ARHGAP28: variants seen among roughly 807,000 people sequenced by gnomAD.
The protein encoded by ARHGAP28 is Rho GTPase activating protein 28.
ARHGAP28 carries 56 observed loss-of-function variants against 90.7 expected under a neutral mutation model. That is an observed-to-expected ratio of 0.62 (90% CI 0.50 to 0.77). The LOEUF (loss-of-function observed/expected upper bound fraction) is 0.77, where lower values mean the gene tolerates loss of function less well. Among genes scored for constraint, ARHGAP28 ranks in the 30% least tolerant of loss-of-function variants. The probability of loss-of-function intolerance (pLI) is 0.00; values close to 1 mark genes in which losing one functional copy is unlikely to be tolerated. For synonymous variants in ARHGAP28, 308 were observed against 323.3 expected (o/e 0.95, Z 0.51); for missense variants, 869 against 900.9 (o/e 0.96, Z 0.45).
At chr18:6,816,721 C>T (rs887276339) in intron 1 of ARHGAP28, among the ~76,000 whole-genome samples, 5 of 152,212 alleles carry the variant, frequency 3.3e-5, no homozygotes, top group South Asian at 4.2e-4. Context: ...AGTTTAACTC[C>T]GTAATGTACT....
intron 1 of ARHGAP28, among the ~76,000 whole-genome samples, chr18:6,750,058 C>T (rs2056056522): frequency 6.6e-6 from 1 of 152,150 alleles, no homozygotes; most frequent in Non-Finnish European, 1.5e-5. Flanking sequence ...GCAACTTAAA[C>T]TCCCATGCCT....
At chr18:6,898,203 C>T (rs2057317765) in intron 16 of ARHGAP28, 1 of 318,160 alleles carries the variant, frequency 3.1e-6, no homozygotes, top group Non-Finnish European at 5.6e-6. Context: ...GCACCAAAAT[C>T]TCAGAAATTA....
At chr18:6,739,358 A>C (rs1470408012) in intron 1 of ARHGAP28, among the ~76,000 whole-genome samples, 5 of 152,166 alleles carry the variant, frequency 3.3e-5, no homozygotes, top group Admixed American at 3.3e-4. Flanking sequence ...TTTTAATGGA[A>C]TAAGCATAGA....
rs571248045 is a variant in ARHGAP28, at chr18:6,915,079, C to T, written c.*2925C>T. On this transcript the variant is annotated 3_prime_UTR_variant, in exon 18 of 18. Coordinates refer to ENST00000383472, the MANE Select transcript of ARHGAP28 (RefSeq NM_001366230.1). ...CTTTCAGTGTATGTTTAATAATATACATTTAATGATGAAAAATATTTTCAG... is the reference window on the plus strand; with the variant it reads ...CTTTCAGTGTATGTTTAATAATATATATTTAATGATGAAAAATATTTTCAG... 2 of 152,518 alleles carry T rather than the reference C, an allele frequency of 1.3e-5. No individual in the cohort carries two copies. Among genetic ancestry groups the T allele is most frequent in the Admixed American group, 6.5e-5 (1 of 15,296 alleles). 9.4% of individuals were successfully genotyped at this position (152,518 alleles called of 1,614,324 possible). A position where few individuals can be genotyped will look rare whatever the true frequency, so the allele number is the denominator to read the frequency against.
chr18:6,736,679 G>A (rs1480008037), intron 1 of ARHGAP28, among the ~76,000 whole-genome samples: 6 of 150,118 alleles, frequency 4.0e-5, no homozygotes, highest in Non-Finnish European at 7.4e-5. Flanking sequence ...CCCAGGAGGC[G>A]GAGGTTGTGG....
intron 6 of ARHGAP28, 90 bp downstream of exon 6, chr18:6,868,324 G>A (rs557365116): frequency 3.8e-5 from 44 of 1,166,640 alleles, no homozygotes; most frequent in Non-Finnish European, 5.3e-5. Context: ...TTCTAAAAGC[G>A]AAGTATAAGT....
chr18:6,841,203 C>CTCTCTCTCTCTCTCTCTCTCTCTCT (rs754874496), intron 3 of ARHGAP28, among the ~76,000 whole-genome samples: 1 of 41,976 alleles, frequency 2.4e-5, no homozygotes, highest in African/African-American at 1.2e-4. Flanking sequence ...CTCTCTCTCT[C>CTCTCTCTCTCTCTCTCTCTCTCTCT]CTCTCCTCTC....
chr18:6,827,170 GTCA>G (rs1277195863), intron 2 of ARHGAP28, among the ~76,000 whole-genome samples: 1 of 152,228 alleles, frequency 6.6e-6, no homozygotes, highest in Non-Finnish European at 1.5e-5. Context: ...AACCGCCATT[GTCA>G]TCATGGCCTG....
chr18:6,821,612 G>A (rs990716342), intron 1 of ARHGAP28, among the ~76,000 whole-genome samples: 2 of 152,292 alleles, frequency 1.3e-5, no homozygotes, highest in Middle Eastern at 3.4e-3. Flanking sequence ...AACCAAAAAT[G>A]TGAGAGCTCT....
intron 1 of ARHGAP28, among the ~76,000 whole-genome samples, chr18:6,793,839 T>C (rs2056422619): frequency 6.6e-6 from 1 of 152,040 alleles, no homozygotes; most frequent in Non-Finnish European, 1.5e-5. Context: ...CTACTCAGAC[T>C]CATTTATCAA....
intron 1 of ARHGAP28, among the ~76,000 whole-genome samples, chr18:6,822,338 A>T (rs1420222744): frequency 6.6e-6 from 1 of 152,150 alleles, no homozygotes; most frequent in Admixed American, 6.5e-5. Flanking sequence ...AGTCTGGTAC[A>T]TGGAGGGCAG....
intron 6 of ARHGAP28, among the ~76,000 whole-genome samples, chr18:6,869,826 G>T (rs2057069269): frequency 6.6e-6 from 1 of 152,098 alleles, no homozygotes; most frequent in African/African-American, 2.4e-5. Flanking sequence ...GAACAGTTTT[G>T]CCAGGCAATG....
intron 16 of ARHGAP28, among the ~76,000 whole-genome samples, chr18:6,908,138 T>TTATTG (rs2057374262): frequency 6.6e-6 from 1 of 151,876 alleles, no homozygotes; most frequent in Non-Finnish European, 1.5e-5. Flanking sequence ...TTATTTTATT[T>TTATTG]TATTTTATTT....
intron 2 of ARHGAP28, among the ~76,000 whole-genome samples, chr18:6,835,270 CAT>C (rs2056744788): frequency 6.6e-6 from 1 of 152,064 alleles, no homozygotes; most frequent in Non-Finnish European, 1.5e-5. Flanking sequence ...TTAATATTAA[CAT>C]ATTAAATATT....
chr18:6,903,613 A>G (rs1007485985), intron 16 of ARHGAP28, among the ~76,000 whole-genome samples: 3 of 151,962 alleles, frequency 2.0e-5, no homozygotes, highest in South Asian at 4.2e-4. Flanking sequence ...CGGGTGGATC[A>G]TGAGGTCAGG....
chr18:6,813,419 G>C (rs2056570062), intron 1 of ARHGAP28, among the ~76,000 whole-genome samples: 1 of 151,956 alleles, frequency 6.6e-6, no homozygotes, highest in African/African-American at 2.4e-5. Flanking sequence ...CAATTTTATT[G>C]GTTCACTTTC....
chr18:6,793,212 A>G (rs1490989688), intron 1 of ARHGAP28, among the ~76,000 whole-genome samples: 1 of 152,196 alleles, frequency 6.6e-6, no homozygotes, highest in Admixed American at 6.5e-5. Context: ...AATGCTGTAC[A>G]ATTGTAAGGT....
At chr18:6,850,603 C>T (rs572816243) in intron 3 of ARHGAP28, among the ~76,000 whole-genome samples, 64 of 152,288 alleles carry the variant, frequency 4.2e-4, no homozygotes, top group African/African-American at 1.1e-3. Flanking sequence ...TTCTGAAAGA[C>T]GCTGACTTCA....
intron 2 of ARHGAP28, among the ~76,000 whole-genome samples, chr18:6,829,948 C>A (rs1163550780): frequency 6.6e-6 from 1 of 152,184 alleles, no homozygotes; most frequent in African/African-American, 2.4e-5. Context: ...AGAATGCGTT[C>A]CATGTCTGTC....
Sources: gnomAD v4.1 joint callset for allele counts (sites outside exome capture counted in the v4.1 genomes callset) on GRCh38, gnomAD v4.1.1 for gene constraint, MANE v1.5 for transcripts, NCBI Gene and HGNC (gene_info 2026-07-23, HGNC 2026-07-21) for gene names.